RAPGEF6: variants seen among roughly 807,000 people sequenced by gnomAD.
RAPGEF6 encodes the protein PDZ domain containing guanine nucleotide exchange factor (GEF) 2.
RAPGEF6 carries 56 observed loss-of-function variants against 171.4 expected under a neutral mutation model. That is an observed-to-expected ratio of 0.33 (90% CI 0.26 to 0.41). The LOEUF (loss-of-function observed/expected upper bound fraction) is 0.41, where lower values mean the gene tolerates loss of function less well. Ranked by LOEUF, RAPGEF6 falls within the 10% of genes least tolerant of loss-of-function variation. The pLI, the probability that RAPGEF6 is intolerant of heterozygous loss-of-function variation, is 1.00. For synonymous variants in RAPGEF6, 692 were observed against 650.1 expected, an observed-to-expected ratio of 1.06 and a Z score of -0.98; for missense variants, 1,674 against 1,921.4, an observed-to-expected ratio of 0.87 and a Z score of 2.41.
chr5:131,619,165 T>TACGG (rs1437570082), intron 1 of RAPGEF6, among the ~76,000 whole-genome samples: 1 of 151,950 alleles, frequency 6.6e-6, no homozygotes, highest in Non-Finnish European at 1.5e-5. Flanking sequence ...GATGGCCAGG[T>TACGG]ATGGTGGCTC....
intron 4 of RAPGEF6, among the ~76,000 whole-genome samples, chr5:131,583,305 G>A (rs1228004546): frequency 6.6e-6 from 1 of 152,134 alleles, no homozygotes; most frequent in African/African-American, 2.4e-5. Flanking sequence ...CACAACTTAT[G>A]AGTATTAATT....
intron 1 of RAPGEF6, among the ~76,000 whole-genome samples, chr5:131,609,889 T>C (rs1449517006): frequency 2.0e-5 from 3 of 152,060 alleles, no homozygotes; most frequent in Non-Finnish European, 4.4e-5. Flanking sequence ...AGGACTAGAA[T>C]CCCACATACC....
intron 24 of RAPGEF6, 65 bp from the exon 25 acceptor site, chr5:131,433,723 G>A: frequency 3.5e-6 from 4 of 1,158,016 alleles, no homozygotes; most frequent in Non-Finnish European, 4.9e-6. Context: ...GGTAGTAGGG[G>A]AAAGGATGAA....
intron 12 of RAPGEF6, among the ~76,000 whole-genome samples, chr5:131,498,232 G>C (rs1756760829): frequency 6.6e-6 from 1 of 152,112 alleles, no homozygotes; most frequent in Non-Finnish European, 1.5e-5. Context: ...CTTTATTTCA[G>C]TTTTTGCCTT....
intron 1 of RAPGEF6, among the ~76,000 whole-genome samples, chr5:131,612,703 A>G (rs1765006824): frequency 6.6e-6 from 1 of 152,056 alleles, no homozygotes; most frequent in Non-Finnish European, 1.5e-5. Flanking sequence ...GGCAAACAGA[A>G]CTCCCATAAC....
intron 6 of RAPGEF6, among the ~76,000 whole-genome samples, chr5:131,543,368 T>C (rs1287489443): frequency 6.6e-6 from 1 of 152,164 alleles, no homozygotes; most frequent in Non-Finnish European, 1.5e-5. Context: ...GTTTTCTAAT[T>C]TTTCAAAATC....
intron 3 of RAPGEF6, among the ~76,000 whole-genome samples, chr5:131,601,808 C>G (rs1296136907): frequency 6.6e-6 from 1 of 151,826 alleles, no homozygotes; most frequent in East Asian, 1.9e-4. Flanking sequence ...CTGAGGCAGG[C>G]AGATCATGAG....
rs1484514790 is a variant in RAPGEF6, at chr5:131,469,706, C to CT, written c.2239+2880dup. 3.2e-6 allele frequency: 3 copies of CT among 937,726 alleles called. No individual in the cohort carries two copies. The Middle Eastern group carries it at 9.8e-4, about 308-fold the overall frequency. 58.1% of individuals were successfully genotyped at this position (937,726 alleles called of 1,614,324 possible). On this transcript the variant is annotated intron_variant, in intron 17 of 27. Transcript: ENST00000509018. ...GTGGAAAGAAAAGTTGTGCTTACTA[C>CT]TTCATTCAATTCTGTATCATTGGAC...
intron 17 of RAPGEF6, among the ~76,000 whole-genome samples, chr5:131,471,766 A>C (rs1754756031): frequency 6.6e-6 from 1 of 152,174 alleles, no homozygotes; most frequent in South Asian, 2.1e-4. Context: ...TTGACATCCC[A>C]CACTGGAAGT....
chr5:131,605,533 A>C (rs1365268823), intron 1 of RAPGEF6, among the ~76,000 whole-genome samples: 1 of 152,244 alleles, frequency 6.6e-6, no homozygotes, highest in African/African-American at 2.4e-5. Flanking sequence ...GACAAGCTTA[A>C]ATTCGCTATA....
intron 24 of RAPGEF6, among the ~76,000 whole-genome samples, chr5:131,435,269 G>A (rs567185032): frequency 3.3e-5 from 5 of 152,286 alleles, no homozygotes; most frequent in Admixed American, 6.5e-5. Flanking sequence ...GTCTTCTGAC[G>A]TCTATCATAC....
rs377041369 is a variant in RAPGEF6, at chr5:131,493,189, C to T, written c.1528-404G>A. ...ATGCCATTCTCCTGCCTCAGCCTCC[C>T]GAGTAGCTGGGACTACAGGCGCCCG... On this transcript the variant is annotated intron_variant, in intron 13 of 27. Coordinates refer to ENST00000509018, the MANE Select transcript of RAPGEF6 (RefSeq NM_016340.6). Among the ~76,000 whole-genome samples, 80 of 152,166 alleles carry T rather than the reference C, an allele frequency of 5.3e-4. 2 individuals are homozygous for T. In the East Asian group the frequency reaches 0.01, roughly 20 times the overall value.
intron 24 of RAPGEF6, among the ~76,000 whole-genome samples, chr5:131,438,925 T>C (rs1752202502): frequency 6.6e-6 from 1 of 152,166 alleles, no homozygotes; most frequent in African/African-American, 2.4e-5. Context: ...TTAAAAACAG[T>C]TTCTTTCTTT....
intron 7 of RAPGEF6, among the ~76,000 whole-genome samples, chr5:131,520,563 G>A (rs192235402): frequency 6.6e-6 from 1 of 152,048 alleles, no homozygotes; most frequent in Non-Finnish European, 1.5e-5. Context: ...TCTGAAATAG[G>A]TAATATATTT....
At chr5:131,607,012 T>C (rs1054064594) in intron 1 of RAPGEF6, among the ~76,000 whole-genome samples, 2 of 152,200 alleles carry the variant, frequency 1.3e-5, no homozygotes, top group Admixed American at 1.3e-4. Flanking sequence ...TGGCTCACAG[T>C]GGGTCCACTG....
chr5:131,480,632 C>T (rs1755407376), intron 15 of RAPGEF6, among the ~76,000 whole-genome samples: 1 of 152,060 alleles, frequency 6.6e-6, no homozygotes, highest in Admixed American at 6.5e-5. Context: ...GCATGTATCA[C>T]CACACCCGGC....
chr5:131,627,253 T>C (rs937254123), intron 1 of RAPGEF6, among the ~76,000 whole-genome samples: 3 of 152,324 alleles, frequency 2.0e-5, no homozygotes, highest in South Asian at 4.1e-4. Flanking sequence ...ATGGTTGATA[T>C]ATGAAGCTGA....
intron 16 of RAPGEF6, among the ~76,000 whole-genome samples, chr5:131,477,171 A>G (rs1422719820): frequency 2.0e-5 from 3 of 152,224 alleles, no homozygotes; most frequent in Non-Finnish European, 2.9e-5. Context: ...GTCAAGAAAT[A>G]TAAGATACAT....
At chr5:131,434,201 C>G (rs1751884218) in intron 24 of RAPGEF6, among the ~76,000 whole-genome samples, 1 of 152,150 alleles carries the variant, frequency 6.6e-6, no homozygotes, top group African/African-American at 2.4e-5. Flanking sequence ...TTCTGCATAT[C>G]CCACCTAAGA....
Sources: allele counts gnomAD v4.1 joint callset (sites outside exome capture counted in the v4.1 genomes callset), GRCh38; gene constraint gnomAD v4.1.1; transcripts MANE v1.5; gene names NCBI Gene and HGNC (gene_info 2026-07-23, HGNC 2026-07-21).